Variants in CD8B observed in about 807,000 individuals in gnomAD.
CD8B encodes CD8 subunit beta, also known as T-cell surface glycoprotein CD8 beta chain.
A neutral mutation model predicts 24.2 loss-of-function variants in CD8B; 6 were observed. The ratio of observed to expected loss-of-function variants is 0.25; its 90% CI spans 0.14 to 0.49. The LOEUF is 0.49. Among genes scored for constraint, CD8B ranks in the 20% least tolerant of loss-of-function variants. CD8B has a pLI of 0.98. For missense variants in CD8B, 196 were observed against 271.3 expected, an observed-to-expected ratio of 0.72 and a Z score of 1.95; for synonymous variants, 84 against 108.3, an observed-to-expected ratio of 0.78 and a Z score of 1.39.
downstream of CD8B, among the ~76,000 whole-genome samples, chr2:86,836,762 A>C (rs982960312): frequency 3.9e-5 from 6 of 152,140 alleles, no homozygotes; most frequent in African/African-American, 1.4e-4. Flanking sequence ...CACTGTACAC[A>C]CACACGCACA....
chr2:86,824,828 A>G (rs1674613539), intron 5 of CD8B, among the ~76,000 whole-genome samples: 1 of 152,170 alleles, frequency 6.6e-6, no homozygotes, highest in Non-Finnish European at 1.5e-5. Flanking sequence ...CCTTCCCTGA[A>G]TCGCTTCCAG....
At chr2:86,856,752 C>A (rs1200732356) in intron 2 of CD8B, among the ~76,000 whole-genome samples, 2 of 150,830 alleles carry the variant, frequency 1.3e-5, no homozygotes, top group Non-Finnish European at 2.9e-5. Flanking sequence ...GTCCAATATG[C>A]CACAGGTGCT....
At chr2:86,837,735 T>G (rs1163159135), downstream of CD8B, among the ~76,000 whole-genome samples, 2 of 133,580 alleles carry the variant, frequency 1.5e-5, no homozygotes, top group African/African-American at 5.7e-5. Flanking sequence ...CCCCCCTTCT[T>G]CTTTTGAACA....
At chr2:86,835,820 T>C (rs1675154668), downstream of CD8B, among the ~76,000 whole-genome samples, 1 of 148,912 alleles carries the variant, frequency 6.7e-6, no homozygotes, top group Non-Finnish European at 1.5e-5. Flanking sequence ...TGTGTTGGTA[T>C]CACCCGGGTC....
At chr2:86,856,161 A>G (rs574355429) in intron 2 of CD8B, among the ~76,000 whole-genome samples, 19 of 152,342 alleles carry the variant, frequency 1.2e-4, no homozygotes, top group African/African-American at 4.1e-4. Flanking sequence ...GCTGCAAGCC[A>G]GAGCTGGAGA....
downstream of CD8B, among the ~76,000 whole-genome samples, chr2:86,833,252 T>C (rs1489798618): frequency 2.7e-5 from 4 of 149,184 alleles, no homozygotes; most frequent in African/African-American, 9.9e-5. Context: ...TGGAGTGCAG[T>C]GGTGTGATCT....
intron 2 of CD8B, among the ~76,000 whole-genome samples, chr2:86,856,152 C>T (rs996548250): frequency 1.1e-4 from 16 of 152,212 alleles, no homozygotes; most frequent in African/African-American, 3.6e-4. Flanking sequence ...GCAGGTTTGG[C>T]TGCAAGCCAG....
downstream of CD8B, among the ~76,000 whole-genome samples, chr2:86,833,364 G>C (rs1264712845): frequency 2.0e-5 from 3 of 151,704 alleles, no homozygotes; most frequent in Admixed American, 6.6e-5. Context: ...ATTTTTAGTA[G>C]AGACAGAATT....
intron 5 of CD8B, among the ~76,000 whole-genome samples, chr2:86,830,605 A>G (rs1214217532): frequency 1.3e-5 from 2 of 152,002 alleles, no homozygotes; most frequent in Non-Finnish European, 2.9e-5. Flanking sequence ...TGCATAACCA[A>G]TAATATCATG....
chr2:86,818,957 G>A (rs570862586), intron 5 of CD8B, among the ~76,000 whole-genome samples: 8 of 152,274 alleles, frequency 5.3e-5, no homozygotes, highest in Middle Eastern at 3.4e-3. Flanking sequence ...ATAAGAAAAC[G>A]AAATAGCCTT....
intron 5 of CD8B, among the ~76,000 whole-genome samples, chr2:86,832,787 T>G (rs1250018912): frequency 6.6e-6 from 1 of 152,162 alleles, no homozygotes; most frequent in Admixed American, 6.5e-5. Context: ...ATTATAAAAT[T>G]GAATTTTAAC....
intron 5 of CD8B, among the ~76,000 whole-genome samples, chr2:86,825,770 C>T (rs1674656143): frequency 6.6e-6 from 1 of 152,196 alleles, no homozygotes; most frequent in Non-Finnish European, 1.5e-5. Flanking sequence ...ACAGCAGGCT[C>T]TAAGGGGGGC....
intron 3 of CD8B, among the ~76,000 whole-genome samples, chr2:86,852,003 CT>C (rs1370981400): frequency 3.9e-5 from 6 of 152,222 alleles, no homozygotes; most frequent in African/African-American, 1.2e-4. Flanking sequence ...GGGTCTGGCT[CT>C]ATCACCCAGG....
At chr2:86,843,740 T>C in intron 5 of CD8B, 8 of 937,882 alleles carry the variant, frequency 8.5e-6, no homozygotes, top group Non-Finnish European at 1.0e-5. Flanking sequence ...TGGGGCCACA[T>C]GCTTTAAGGA....
downstream of CD8B, among the ~76,000 whole-genome samples, chr2:86,833,816 A>C (rs1490782883): frequency 1.3e-5 from 2 of 151,374 alleles, no homozygotes; most frequent in Admixed American, 6.6e-5. Context: ...ATGCCTGGCT[A>C]AATTTTGTAT....
chr2:86,822,119 AT>A (rs1674502998), intron 5 of CD8B, among the ~76,000 whole-genome samples: 1 of 152,124 alleles, frequency 6.6e-6, no homozygotes, highest in South Asian at 2.1e-4. Flanking sequence ...TTCCTGCCAT[AT>A]TTATAGCATC....
intron 5 of CD8B, among the ~76,000 whole-genome samples, chr2:86,818,044 T>C (rs540240535): frequency 1.4e-3 from 209 of 152,112 alleles, no homozygotes; most frequent in Middle Eastern, 6.8e-3. Flanking sequence ...ACCCTGTTTC[T>C]ACTAAAAATA....
In CD8B at chr2:86,841,781, G is replaced by A. The variant is rs1464974523; in HGVS notation, c.*526C>T. The A allele has an allele frequency of 4.1e-6, 4 of 985,550 alleles. No individual in the cohort carries two copies. Among genetic ancestry groups the A allele is most frequent in the Non-Finnish European group, 4.8e-6 (4 of 830,142 alleles). 61.1% of individuals were successfully genotyped at this position (985,550 alleles called of 1,614,324 possible). A position where few individuals can be genotyped will look rare whatever the true frequency, so the allele number is the denominator to read the frequency against. ...CCCGGCCCCAAAGGAAGCCCTCAGA[G>A]ACTGATATGCCTTCTGGGAACTGGA... On this transcript the variant is annotated 3_prime_UTR_variant, in exon 6 of 6. Coordinates refer to ENST00000390655, the MANE Select transcript of CD8B (RefSeq NM_004931.5).
chr2:86,833,041 C>T, intron 5 of CD8B: 1 of 408,254 alleles, frequency 2.4e-6, no homozygotes, highest in South Asian at 1.8e-5. Context: ...CTTCCTCTTG[C>T]TGCAGCCTCC....
Sources: gnomAD v4.1 joint callset for allele counts (sites outside exome capture counted in the v4.1 genomes callset) on GRCh38, gnomAD v4.1.1 for gene constraint, MANE v1.5 for transcripts, NCBI Gene and HGNC (gene_info 2026-07-23, HGNC 2026-07-21) for gene names.